The following PAK1 variants were observed in gnomAD, a reference collection of about 807,000 sequenced individuals.
PAK1 encodes serine/threonine-protein kinase PAK 1.
In PAK1, 29 loss-of-function variants were observed where a neutral mutation model predicts 67.4. That is an observed-to-expected ratio of 0.43 (90% CI 0.32 to 0.59). The LOEUF is 0.59. Among genes scored for constraint, PAK1 ranks in the 20% least tolerant of loss-of-function variants. The pLI, the probability that PAK1 is intolerant of heterozygous loss-of-function variation, is 0.07. For missense variants in PAK1, 337 were observed against 670.7 expected (o/e 0.50, Z 5.50); for synonymous variants, 223 against 237.4 (o/e 0.94, Z 0.56).
intron 4 of PAK1, among the ~76,000 whole-genome samples, chr11:77,378,270 T>C (rs1198061959): frequency 6.6e-6 from 1 of 152,128 alleles, no homozygotes; most frequent in East Asian, 1.9e-4. Context: ...CAAATAACAT[T>C]ATTAGGGGCA....
At chr11:77,528,636 C>T in the PAK1 span, among the ~76,000 whole-genome samples, 2 of 152,228 alleles carry the variant, frequency 1.3e-5, no homozygotes, top group Admixed American at 6.5e-5. Context: ...TCAGCCACCA[C>T]ACCCAACCTG....
At chr11:77,513,389 C>T in the PAK1 span, among the ~76,000 whole-genome samples, 10 of 152,058 alleles carry the variant, frequency 6.6e-5, no homozygotes, top group Non-Finnish European at 1.5e-4. Context: ...GTCTTTCTGG[C>T]CAGGCATGGT....
intron 1 of PAK1, among the ~76,000 whole-genome samples, chr11:77,424,692 T>C (rs916302724): frequency 6.6e-6 from 1 of 152,210 alleles, no homozygotes; most frequent in Non-Finnish European, 1.5e-5. Flanking sequence ...TCTCCCATTA[T>C]TCCCTTCTGT....
At chr11:77,460,062 GAGA>G (rs1957264063) in intron 1 of PAK1, among the ~76,000 whole-genome samples, 3 of 151,682 alleles carry the variant, frequency 2.0e-5, no homozygotes, top group South Asian at 4.2e-4. Context: ...TTTACTGAAT[GAGA>G]AGGAGAAGCC....
intron 4 of PAK1, 86 bp from the exon 5 acceptor site, chr11:77,374,451 G>A: frequency 1.2e-6 from 1 of 810,696 alleles, no homozygotes; most frequent in Non-Finnish European, 2.1e-6. Flanking sequence ...ATCTGGTCAA[G>A]CACGTGCCAG....
chr11:77,469,871 G>C (rs916324812), intron 1 of PAK1, among the ~76,000 whole-genome samples: 1 of 151,608 alleles, frequency 6.6e-6, no homozygotes, highest in Non-Finnish European at 1.5e-5. Context: ...ATGATATTTT[G>C]AGATGTATAT....
chr11:77,423,011 C>T (rs1308887178), intron 1 of PAK1, among the ~76,000 whole-genome samples: 2 of 152,008 alleles, frequency 1.3e-5, no homozygotes, highest in Non-Finnish European at 2.9e-5. Flanking sequence ...TACAAGCAAC[C>T]AATGCCCTCC....
chr11:77,388,810 A>G (rs924808901), intron 2 of PAK1, among the ~76,000 whole-genome samples: 1 of 152,072 alleles, frequency 6.6e-6, no homozygotes, highest in African/African-American at 2.4e-5. Flanking sequence ...CTAGACCCCC[A>G]CTTTCCCATT....
At chr11:77,442,855 T>C (rs1956416688) in intron 1 of PAK1, among the ~76,000 whole-genome samples, 1 of 152,134 alleles carries the variant, frequency 6.6e-6, no homozygotes, top group East Asian at 1.9e-4. Context: ...GGCTTGGGGC[T>C]TCTCCTTAAA....
At chr11:77,485,933 G>A in the PAK1 span, among the ~76,000 whole-genome samples, 1 of 152,306 alleles carries the variant, frequency 6.6e-6, no homozygotes, top group East Asian at 1.9e-4. Flanking sequence ...TAAAAGAGAT[G>A]GCAGCTCCAG....
chr11:77,326,892 A>T (rs2725826), intron 14 of PAK1, among the ~76,000 whole-genome samples: 37,506 of 152,030 alleles, frequency 0.25, 5,677 homozygotes, highest in South Asian at 0.45. Flanking sequence ...TTGAAAAAAA[A>T]TAAGATGAAT....
intron 4 of PAK1, among the ~76,000 whole-genome samples, chr11:77,374,679 A>C (rs1302348616): frequency 2.0e-5 from 3 of 152,184 alleles, no homozygotes; most frequent in Non-Finnish European, 2.9e-5. Context: ...TAATTTGGTC[A>C]TTATGTGAAC....
At chr11:77,452,290 T>C (rs75420027) in intron 1 of PAK1, among the ~76,000 whole-genome samples, 6,386 of 152,232 alleles carry the variant, frequency 0.042, 447 homozygotes, top group African/African-American at 0.15. Flanking sequence ...GGTCAGTAAG[T>C]AGCAGAGCCA....
At position 77,323,148 on chromosome 11, in the gene PAK1, A is replaced by G; in HGVS notation, c.*126T>C. ...ACGGTTTCCAAGGATCAAAGTCTTG[A>G]GGAGTGCTAGATCAGGAAATGGGAG... is the stretch of plus-strand genomic sequence containing the variant. On this transcript the variant is annotated 3_prime_UTR_variant, in exon 15 of 15. Coordinates refer to ENST00000356341, the MANE Select transcript of PAK1 (RefSeq NM_002576.5). 1.9e-6 allele frequency: 3 copies of G among 1,544,394 alleles called. No individual in the cohort carries two copies. The South Asian group carries it at 3.6e-5, about 18-fold the overall frequency.
At chr11:77,480,554 T>A in the PAK1 span, among the ~76,000 whole-genome samples, 1 of 150,080 alleles carries the variant, frequency 6.7e-6, no homozygotes, top group African/African-American at 2.5e-5. Context: ...GACATAGTCT[T>A]GCTCTGTTGC....
chr11:77,429,875 T>G (rs1955779333), intron 1 of PAK1, among the ~76,000 whole-genome samples: 1 of 152,232 alleles, frequency 6.6e-6, no homozygotes, highest in African/African-American at 2.4e-5. Context: ...TACACAACCA[T>G]CTTATTATGT....
intron 1 of PAK1, among the ~76,000 whole-genome samples, chr11:77,410,963 T>G (rs1954436220): frequency 6.6e-6 from 1 of 152,114 alleles, no homozygotes; most frequent in Non-Finnish European, 1.5e-5. Context: ...AACGCAACTT[T>G]ATACCTAAGG....
At chr11:77,398,653 A>T (rs1042886002) in intron 1 of PAK1, among the ~76,000 whole-genome samples, 3 of 152,218 alleles carry the variant, frequency 2.0e-5, no homozygotes, top group Non-Finnish European at 2.9e-5. Context: ...AGGAGTGCAG[A>T]TATCTCTTCA....
At chr11:77,326,264 C>A (rs1244828269) in intron 14 of PAK1, among the ~76,000 whole-genome samples, 1 of 152,180 alleles carries the variant, frequency 6.6e-6, no homozygotes, top group Non-Finnish European at 1.5e-5. Flanking sequence ...GCCTAGTAAA[C>A]CCCTGACTCC....
Sources: gnomAD v4.1 joint callset for allele counts (sites outside exome capture counted in the v4.1 genomes callset) on GRCh38, gnomAD v4.1.1 for gene constraint, MANE v1.5 for transcripts, NCBI Gene and HGNC (gene_info 2026-07-23, HGNC 2026-07-21) for gene names.